UBR2: variants seen among roughly 807,000 people sequenced by gnomAD.
UBR2 encodes the protein ubiquitin protein ligase E3 component n-recognin 2.
A neutral mutation model predicts 247.9 loss-of-function variants in UBR2; 92 were observed. The observed-to-expected ratio is 0.37, with a 90% CI of 0.31 to 0.44. UBR2 has a LOEUF of 0.44. UBR2 is among the 20% of genes least tolerant of loss of function. The probability of loss-of-function intolerance (pLI) is 1.00; values close to 1 mark genes in which losing one functional copy is unlikely to be tolerated. For synonymous variants in UBR2, 672 were observed against 693.5 expected (o/e 0.97, Z 0.49); for missense variants, 1,613 against 2,112.6 (o/e 0.76, Z 4.64).
chr6:42,602,050 G>A lies in UBR2; in HGVS notation c.532-1538G>A, dbSNP rs979060814. The stretch of plus-strand genomic sequence containing the variant: ...CACTCAACTAACTTTTATATTTTTA[G>A]TAGAGATGAGGTTTCACCACATTGG... On this transcript the variant is annotated intron_variant, in intron 4 of 46. Coordinates refer to ENST00000372901, the MANE Select transcript of UBR2 (RefSeq NM_001363705.2). Among the ~76,000 whole-genome samples the A allele has an allele frequency of 4.7e-4, 71 of 150,060 alleles. 2 individuals carry two copies. Among genetic ancestry groups the A allele is most frequent in the African/African-American group, 1.6e-3 (66 of 40,784 alleles).
intron 14 of UBR2, among the ~76,000 whole-genome samples, chr6:42,636,460 TG>T (rs967047113): frequency 2.6e-5 from 4 of 152,252 alleles, no homozygotes; most frequent in Non-Finnish European, 5.9e-5. Context: ...ATTACCAGCG[TG>T]AGCCACCACA....
Position 42,688,358 on chromosome 6 carries a change from T to C in UBR2, c.4996T>C (p.Cys1666Arg). The C allele has an allele frequency of 6.2e-7, 1 of 1,613,618 alleles. No individual in the cohort carries two copies. The highest frequency in any genetic ancestry group is 8.5e-7 in the Non-Finnish European group (1 of 1,180,040). Reference protein sequence around the residue: ...VGACTAHTYSCGSGVGIFLRV... With the variant: ...VGACTAHTYSRGSGVGIFLRV... ...AGCCTGCACAGCTCACACCTACTCC[T>C]GTGGCTCTGGAGTGGGCATCTTCCT... Residue 1666 changes from cysteine to arginine, a missense_variant, in exon 45 of 47, where the codon TGT (cysteine) becomes CGT (arginine). Transcript: ENST00000372901.
rs747215709 is a variant in UBR2, at chr6:42,658,036, C to T, written c.2885C>T (p.Ala962Val). 18 of 1,613,348 alleles carry T rather than the reference C, an allele frequency of 1.1e-5. No individual in the cohort carries two copies. Among genetic ancestry groups the T allele is most frequent in the East Asian group, 4.5e-5 (2 of 44,874 alleles). Residue 962 changes from alanine (A) to valine (V), a missense_variant, in exon 27 of 47, where the codon GCG (alanine) becomes GTG (valine). By Grantham distance (64) the Ala-to-Val change is moderately conservative (BLOSUM62 0). Coordinates refer to ENST00000372901, the MANE Select transcript of UBR2 (RefSeq NM_001363705.2). The stretch of plus-strand genomic sequence containing the variant: ...TTTTCTGCCGTAGAACCTGGTGAAG[C>T]GCCAAAAAATTCTCCTAGCATACTA... Reference protein sequence around the residue: ...FTQKISKPGEAPKNSPSILAM... With the variant: ...FTQKISKPGEVPKNSPSILAM...
chr6:42,582,080 G>A (rs879301376), intron 2 of UBR2, among the ~76,000 whole-genome samples: 2 of 151,894 alleles, frequency 1.3e-5, no homozygotes, highest in Non-Finnish European at 2.9e-5. Context: ...TCCGGAGATC[G>A]AGACCATCCT....
intron 1 of UBR2, among the ~76,000 whole-genome samples, chr6:42,568,977 G>A (rs1790946969): frequency 6.6e-6 from 1 of 152,068 alleles, no homozygotes; most frequent in Non-Finnish European, 1.5e-5. Flanking sequence ...TTCAAATTAG[G>A]GATGCTCAAC....
intron 21 of UBR2, among the ~76,000 whole-genome samples, chr6:42,647,417 T>TAAAAAAA (rs750938791): frequency 4.9e-5 from 5 of 102,172 alleles, no homozygotes; most frequent in Non-Finnish European, 6.0e-5. Context: ...CCATCGCTAC[T>TAAAAAAA]AAAAAAAAAA....
chr6:42,580,299 T>C (rs1791797286), intron 2 of UBR2, among the ~76,000 whole-genome samples: 2 of 152,218 alleles, frequency 1.3e-5, no homozygotes, highest in African/African-American at 4.8e-5. Flanking sequence ...TGGAGATTTG[T>C]GATTATTCAG....
Position 42,676,776 on chromosome 6 carries a change from C to A in UBR2, c.4388-7C>A. 6.2e-7 allele frequency: 1 copy of A among 1,611,432 alleles called. No homozygotes were observed. The highest frequency in any genetic ancestry group is 8.5e-7 in the Non-Finnish European group (1 of 1,177,760). ...ATACAGAGTACTAGTATTTCCTTAT[C>A]TTTCAGAAGAGAATGGCATGGATCA... On this transcript the variant is annotated splice_polypyrimidine_tract_variant and splice_region_variant and intron_variant, in intron 39 of 46. Transcript: ENST00000372901.
intron 8 of UBR2, among the ~76,000 whole-genome samples, chr6:42,614,330 A>ATG (rs1482982553): frequency 2.1e-5 from 3 of 139,760 alleles, no homozygotes; most frequent in African/African-American, 5.4e-5. Flanking sequence ...ATATATGTGT[A>ATG]TATGTGTATG....
chr6:42,577,656 C>G (rs1215764094), intron 2 of UBR2, among the ~76,000 whole-genome samples: 1 of 147,616 alleles, frequency 6.8e-6, no homozygotes, highest in East Asian at 1.9e-4. Context: ...ATCATACTTT[C>G]ATGAGTTAAG....
chr6:42,684,457 G>A (rs1799245132), intron 43 of UBR2, among the ~76,000 whole-genome samples: 2 of 151,806 alleles, frequency 1.3e-5, no homozygotes, highest in African/African-American at 4.8e-5. Context: ...GGTGGCGGGT[G>A]CCTGTAGTCC....
rs567609104 is a variant in UBR2, at chr6:42,657,103, C to T, written c.2873-921C>T. ...TACAAAAATTAACCGGGCATGGTGG[C>T]GGGCGCCTATAATCCCAGCTGCTCG... On this transcript the variant is annotated intron_variant, in intron 26 of 46. Coordinates refer to ENST00000372901, the MANE Select transcript of UBR2 (RefSeq NM_001363705.2). Among the ~76,000 whole-genome samples the T allele has an allele frequency of 7.2e-5, 11 of 151,896 alleles. No homozygotes were observed. In the East Asian group the frequency reaches 7.8e-4, roughly 11 times the overall value.
chr6:42,567,438 A>G (rs1412708762), intron 1 of UBR2, among the ~76,000 whole-genome samples: 2 of 152,170 alleles, frequency 1.3e-5, no homozygotes, highest in African/African-American at 4.8e-5. Context: ...TTACGGTTTT[A>G]AAAGTAAACA....
At chr6:42,674,048 T>C in intron 37 of UBR2, 78 bp from the exon 38 acceptor site, 1 of 1,472,588 alleles carries the variant, frequency 6.8e-7, no homozygotes, top group Non-Finnish European at 9.3e-7. Context: ...TGCAAGAAGA[T>C]AAATTTAAAG....
At chr6:42,621,119 A>G (rs1181334224) in intron 11 of UBR2, among the ~76,000 whole-genome samples, 2 of 152,132 alleles carry the variant, frequency 1.3e-5, no homozygotes, top group Non-Finnish European at 2.9e-5. Flanking sequence ...TGTGTATCCC[A>G]AGGTCACAAA....
rs139890943 is a variant in UBR2 at position 42,606,715 on chromosome 6, G to A, written c.864+64G>A. 521 of 1,365,412 alleles carry A rather than the reference G, an allele frequency of 3.8e-4. 5 individuals are homozygous for A. The African/African-American group carries it at 4.9e-3, about 13-fold the overall frequency. The allele number at this position is 1,365,412 out of a possible 1,614,324, so 84.6% of individuals were successfully genotyped here. ...AGTTTAAAACTAGCTTCATATTTCA[G>A]CATTTATGAACATGTCTTTCTGCTT... On this transcript the variant is annotated intron_variant, in intron 7 of 46. Coordinates refer to ENST00000372901, the MANE Select transcript of UBR2 (RefSeq NM_001363705.2).
At chr6:42,658,389 A>G (rs1275939691) in intron 28 of UBR2, 69 bp downstream of exon 28, 2 of 1,418,214 alleles carry the variant, frequency 1.4e-6, no homozygotes, top group Non-Finnish European at 1.9e-6. Context: ...AAATAAATTT[A>G]TCTACATTAA....
At chr6:42,650,686 A>G (rs1256824225) in intron 23 of UBR2, among the ~76,000 whole-genome samples, 1 of 152,226 alleles carries the variant, frequency 6.6e-6, no homozygotes, top group African/African-American at 2.4e-5. Flanking sequence ...AAAATATAAA[A>G]TATAAAGAAG....
chr6:42,691,153 A>G lies in UBR2; in HGVS notation c.5248A>G (p.Ile1750Val). 1 of 1,613,944 alleles carries G rather than the reference A, an allele frequency of 6.2e-7. No individual in the cohort carries two copies. The highest frequency in any genetic ancestry group is 8.5e-7 in the Non-Finnish European group (1 of 1,179,978). The change falls in exon 47 of 47, where the codon ATT becomes GTT. Residue 1750 changes from isoleucine (I) to valine (V), a missense_variant. By Grantham distance (29) the Ile-to-Val change is conservative. Transcript: ENST00000372901. ...AQEANQTLVGIDWQHL is the reference protein window; with the variant it reads ...AQEANQTLVGVDWQHL ...GGAAGCCAATCAGACACTGGTTGGC[A>G]TTGACTGGCAACATTTATAATTATT...
Sources: gnomAD v4.1 joint callset for allele counts (sites outside exome capture counted in the v4.1 genomes callset) on GRCh38, gnomAD v4.1.1 for gene constraint, MANE v1.5 for transcripts, NCBI Gene and HGNC (gene_info 2026-07-23, HGNC 2026-07-21) for gene names.